The following SCN7A variants were observed in gnomAD, a reference collection of about 807,000 sequenced individuals.
SCN7A encodes sodium channel protein type 7 subunit alpha.
A neutral mutation model predicts 155.2 loss-of-function variants in SCN7A; 138 were observed. The ratio of observed to expected loss-of-function variants is 0.89; its 90% CI spans 0.77 to 1.02. SCN7A has a LOEUF of 1.02. Among genes scored for constraint, SCN7A ranks in the 50% least tolerant of loss-of-function variants. The probability of loss-of-function intolerance (pLI) is 0.00; values close to 1 mark genes in which losing one functional copy is unlikely to be tolerated. For synonymous variants in SCN7A, 693 were observed against 649.0 expected, an observed-to-expected ratio of 1.07 and a Z score of -1.03; for missense variants, 2,058 against 1,986.6, an observed-to-expected ratio of 1.04 and a Z score of -0.68.
At chr2:166,452,932 T>A (rs1312151040) in intron 11 of SCN7A, among the ~76,000 whole-genome samples, 4 of 152,218 alleles carry the variant, frequency 2.6e-5, no homozygotes, top group African/African-American at 9.6e-5. Context: ...TTTTTATTGT[T>A]ATTTTAATTA....
At chr2:166,414,094 TA>T (rs1261401776) in intron 21 of SCN7A, among the ~76,000 whole-genome samples, 5 of 87,230 alleles carry the variant, frequency 5.7e-5, no homozygotes, top group South Asian at 3.2e-4. Context: ...TGTAAATATA[TA>T]TAATATATTA....
At position 166,445,130 on chromosome 2, in the gene SCN7A, A is replaced by G. The variant is rs961792438; in HGVS notation, c.1388-130T>C. ...CAGGAGTTCGAGACCAGCCTGGTCA[A>G]TATAGTGAAACTTTGTCTCTACAAA... On this transcript the variant is annotated intron_variant, in intron 12 of 25. Transcript: ENST00000643258. The G allele has an allele frequency of 3.1e-5, 19 of 610,194 alleles. No homozygotes were observed. The Middle Eastern group carries it at 1.3e-3, about 42-fold the overall frequency. 37.8% of individuals were successfully genotyped at this position (610,194 alleles called of 1,614,324 possible).
At chr2:166,441,897 G>T in intron 14 of SCN7A, 145 bp from the exon 15 acceptor site, 1 of 621,750 alleles carries the variant, frequency 1.6e-6, no homozygotes, top group African/African-American at 1.9e-5. Context: ...TTCATTTTGT[G>T]ACAAATTCTT....
intron 20 of SCN7A, among the ~76,000 whole-genome samples, chr2:166,419,686 C>T (rs188345433): frequency 6.6e-6 from 1 of 152,132 alleles, no homozygotes; most frequent in East Asian, 1.9e-4. Flanking sequence ...ATTTTAACTT[C>T]AATCTTATCA....
rs575402829 is a variant in SCN7A at position 166,465,680 on chromosome 2, G to C, written c.871+101C>G. On this transcript the variant is annotated intron_variant, in intron 8 of 25. Transcript: ENST00000643258. ...TCCTTGCCTTTCAACCAGCGCCTTTGGGAATCTAACAAAATGTTGAGTGTT... is the reference window on the plus strand; with the variant it reads ...TCCTTGCCTTTCAACCAGCGCCTTTCGGAATCTAACAAAATGTTGAGTGTT... 9.2e-5 allele frequency: 125 copies of C among 1,364,312 alleles called. No homozygotes were observed. The African/African-American group carries it at 1.6e-3, about 17-fold the overall frequency. The allele number at this position is 1,364,312 out of a possible 1,614,324, so 84.5% of individuals were successfully genotyped here. A position where few individuals can be genotyped will look rare whatever the true frequency, so the allele number is the denominator to read the frequency against.
Position 166,427,901 on chromosome 2 carries a change from A to G in SCN7A, c.2740T>C (p.Ser914Pro). 1 of 1,612,848 alleles carries G rather than the reference A, an allele frequency of 6.2e-7. No homozygotes were observed. Among genetic ancestry groups the G allele is most frequent in the Non-Finnish European group, 8.5e-7 (1 of 1,179,284 alleles). ...GSSLGQISGA[S>P]KKGKIWQNIR... ...TTCTGCCAGATTTTTCCTTTCTTGGATGCTCCACTGATTTGACCAAGTGAA... is the reference window on the plus strand; with the variant it reads ...TTCTGCCAGATTTTTCCTTTCTTGGGTGCTCCACTGATTTGACCAAGTGAA... Residue 914 changes from serine (S) to proline (P), a missense_variant, in exon 18 of 26, where the codon TCC becomes CCC. Physicochemically the swap from Ser to Pro is moderately conservative, Grantham distance 74. Coordinates refer to ENST00000643258, the MANE Select transcript of SCN7A (RefSeq NM_002976.4).
At chr2:166,425,879 G>A (rs1202842641) in intron 18 of SCN7A, among the ~76,000 whole-genome samples, 2 of 152,078 alleles carry the variant, frequency 1.3e-5, no homozygotes, top group Non-Finnish European at 2.9e-5. Context: ...CATATTTGAG[G>A]ACCATTTATC....
intron 15 of SCN7A, among the ~76,000 whole-genome samples, chr2:166,439,271 T>C (rs953215279): frequency 1.3e-5 from 2 of 151,900 alleles, no homozygotes; most frequent in African/African-American, 2.4e-5. Flanking sequence ...GAGAGAGCTA[T>C]GAACAGTTTA....
chr2:166,477,633 T>C lies in SCN7A; in HGVS notation c.64A>G (p.Lys22Glu). The change falls in exon 3 of 26, where the codon AAA becomes GAA. Residue 22 changes from lysine (K) to glutamate (E), a missense_variant. Transcript: ENST00000643258. ...TTATGTGTTTTAGCAATATGCTGTT[T>C]TATAAGTTCAAAAGACTCTTTAGTG... ...PFTKESFELIKQHIAKTHNED... is the reference protein window; with the variant it reads ...PFTKESFELIEQHIAKTHNED... 1 of 1,606,742 alleles carries C rather than the reference T, an allele frequency of 6.2e-7. No individual in the cohort carries two copies. Among genetic ancestry groups the C allele is most frequent in the Non-Finnish European group, 8.5e-7 (1 of 1,175,952 alleles).
At chr2:166,452,798 T>C (rs1216030849) in intron 11 of SCN7A, among the ~76,000 whole-genome samples, 3 of 152,150 alleles carry the variant, frequency 2.0e-5, no homozygotes, top group Admixed American at 6.5e-5. Flanking sequence ...TCAGTGAGTA[T>C]AGATCAATCT....
At chr2:166,408,625 G>C (rs867074584) in intron 25 of SCN7A, among the ~76,000 whole-genome samples, 1 of 151,628 alleles carries the variant, frequency 6.6e-6, no homozygotes, top group South Asian at 2.1e-4. Flanking sequence ...CAGTTTTTCT[G>C]ATAGCTTCTT....
rs552791039 is a variant in SCN7A, at chr2:166,463,294, G to C, written c.942-764C>G. 9.8e-5 allele frequency among the ~76,000 whole-genome samples: 15 copies of C among 152,288 alleles called. No homozygotes were observed. The South Asian group carries it at 3.1e-3, about 32-fold the overall frequency. On this transcript the variant is annotated intron_variant, in intron 9 of 25. Transcript: ENST00000643258. ...CTTGTGTTCCATTATTACAGTGGCA[G>C]TCCAGTAAATCATGCTTCCTCTCTC...
chr2:166,483,179 T>C (rs927531436), intron 2 of SCN7A, among the ~76,000 whole-genome samples: 1 of 151,990 alleles, frequency 6.6e-6, no homozygotes, highest in African/African-American at 2.4e-5. Flanking sequence ...CAGAAGTATA[T>C]GGAAATGGGG....
chr2:166,414,108 TATA>T (rs1701278104), intron 21 of SCN7A, among the ~76,000 whole-genome samples: 1 of 84,668 alleles, frequency 1.2e-5, no homozygotes. Context: ...ATATATTATA[TATA>T]AATATATATA....
At chr2:166,488,000 G>GTGA (rs1703089727) in intron 1 of SCN7A, among the ~76,000 whole-genome samples, 1 of 152,184 alleles carries the variant, frequency 6.6e-6, no homozygotes, top group Non-Finnish European at 1.5e-5. Context: ...AAACAAAGCA[G>GTGA]TGATGATAAT....
intron 16 of SCN7A, among the ~76,000 whole-genome samples, chr2:166,430,257 G>C (rs1281538780): frequency 6.6e-6 from 1 of 151,792 alleles, no homozygotes; most frequent in African/African-American, 2.4e-5. Context: ...TAATTAGAAA[G>C]CTTTTTTTGC....
At position 166,441,112 on chromosome 2, in the gene SCN7A, T is replaced by A. The variant is rs946544496; in HGVS notation, c.2157+284A>T. 12 of 426,136 alleles carry A rather than the reference T, an allele frequency of 2.8e-5. No individual in the cohort carries two copies. In the East Asian group the frequency reaches 4.1e-4, roughly 15 times the overall value. The allele number at this position is 426,136 out of a possible 1,614,324, so 26.4% of individuals were successfully genotyped here. Reference sequence around the variant, plus strand: ...AGTGCAACTGAGCATAAGGAGGACCTACTATATTATCATTAAAAAATGCAT... The same window carrying A: ...AGTGCAACTGAGCATAAGGAGGACCAACTATATTATCATTAAAAAATGCAT... On this transcript the variant is annotated intron_variant, in intron 15 of 25. Coordinates refer to ENST00000643258, the MANE Select transcript of SCN7A (RefSeq NM_002976.4).
At chr2:166,439,036 C>CAT (rs1259645221) in intron 15 of SCN7A, among the ~76,000 whole-genome samples, 5 of 87,458 alleles carry the variant, frequency 5.7e-5, no homozygotes, top group Non-Finnish European at 8.7e-5. Context: ...CACACACATA[C>CAT]ATATATGTGT....
chr2:166,443,435 C>G, intron 14 of SCN7A, 68 bp downstream of exon 14: 1 of 1,344,230 alleles, frequency 7.4e-7, no homozygotes, highest in Non-Finnish European at 1.0e-6. Flanking sequence ...ACTGTAACCC[C>G]ATTTTATGTC....
Sources: gnomAD v4.1 joint callset for allele counts (sites outside exome capture counted in the v4.1 genomes callset) on GRCh38, gnomAD v4.1.1 for gene constraint, MANE v1.5 for transcripts, NCBI Gene and HGNC (gene_info 2026-07-23, HGNC 2026-07-21) for gene names.